Variants in KDM4C observed in about 807,000 individuals in gnomAD.
The protein encoded by KDM4C is lysine demethylase 4C.
In KDM4C, 81 loss-of-function variants were observed where a neutral mutation model predicts 129.3. That is an observed-to-expected ratio of 0.63 (90% CI 0.52 to 0.75). The LOEUF (loss-of-function observed/expected upper bound fraction) is 0.75. KDM4C is among the 30% of genes least tolerant of loss of function. The pLI, the probability that KDM4C is intolerant of heterozygous loss-of-function variation, is 0.00. For synonymous variants in KDM4C, 573 were observed against 456.1 expected (o/e 1.26, Z -3.26); for missense variants, 1,457 against 1,304.0 (o/e 1.12, Z -1.81).
At chr9:6,863,164 A>G (rs1841273358) in intron 5 of KDM4C, among the ~76,000 whole-genome samples, 1 of 152,224 alleles carries the variant, frequency 6.6e-6, no homozygotes, top group East Asian at 1.9e-4. Flanking sequence ...CCTGTGCTTT[A>G]ACTCCCCCCC....
intron 15 of KDM4C, among the ~76,000 whole-genome samples, chr9:7,018,873 A>T (rs555642143): frequency 6.6e-6 from 1 of 152,202 alleles, no homozygotes; most frequent in African/African-American, 2.4e-5. Context: ...AGAAAATACA[A>T]TCTTGCTATT....
intron 16 of KDM4C, among the ~76,000 whole-genome samples, chr9:7,047,906 T>C (rs1829636665): frequency 6.6e-6 from 1 of 152,054 alleles, no homozygotes; most frequent in South Asian, 2.1e-4. Flanking sequence ...GAGTTAGGAC[T>C]CCTGGTGTAA....
rs956870890 is a variant in KDM4C at position 7,174,467 on chromosome 9, C to A, written c.2995-86C>A. ...GGTGACCTGGGCATCTGCACCCTAA[C>A]CCCAGCTGACCGAGTCAGATCTTTG... On this transcript the variant is annotated intron_variant, in intron 21 of 21. Transcript: ENST00000381309. 4 of 1,349,990 alleles carry A rather than the reference C, an allele frequency of 3.0e-6. No individual in the cohort carries two copies. In the East Asian group the frequency reaches 9.2e-5, roughly 31 times the overall value. The allele number at this position is 1,349,990 out of a possible 1,614,324, so 83.6% of individuals were successfully genotyped here.
At chr9:6,752,794 C>G (rs1588068834), upstream of KDM4C, among the ~76,000 whole-genome samples, 1 of 152,268 alleles carries the variant, frequency 6.6e-6, no homozygotes, top group African/African-American at 2.4e-5. Flanking sequence ...ATGCCAAGTG[C>G]TCTATTTCCT....
chr9:6,899,933 G>T (rs1817107636), intron 8 of KDM4C, among the ~76,000 whole-genome samples: 1 of 152,164 alleles, frequency 6.6e-6, no homozygotes, highest in Admixed American at 6.5e-5. Flanking sequence ...TCTATAGTTT[G>T]TCAGTACCTT....
Position 7,103,755 on chromosome 9 carries a change from G to T in KDM4C, c.2495G>T (p.Cys832Phe). 1 of 1,614,014 alleles carries T rather than the reference G, an allele frequency of 6.2e-7. No homozygotes were observed. Among genetic ancestry groups the T allele is most frequent in the Non-Finnish European group, 8.5e-7 (1 of 1,179,938 alleles). The change falls in exon 18 of 22, where the codon TGC becomes TTC. Residue 832 changes from cysteine to phenylalanine, a missense_variant. Transcript: ENST00000381309. Reference protein sequence around the residue: ...GACIQCSYGRCPASFHVTCAH... With the variant: ...GACIQCSYGRFPASFHVTCAH... The stretch of plus-strand genomic sequence containing the variant: ...TGCATCCAGTGTTCCTACGGTCGCT[G>T]CCCGGCCTCCTTCCATGTCACTTGT...
chr9:7,109,534 A>G (rs1838081613), intron 18 of KDM4C, among the ~76,000 whole-genome samples: 1 of 152,180 alleles, frequency 6.6e-6, no homozygotes, highest in Admixed American at 6.5e-5. Context: ...TACGCATTTC[A>G]CTATATTGTT....
chr9:7,128,829 A>T (rs1840309602), intron 19 of KDM4C, among the ~76,000 whole-genome samples: 1 of 151,984 alleles, frequency 6.6e-6, no homozygotes, highest in South Asian at 2.1e-4. Context: ...GTCTGTCTCC[A>T]TCTCCTCCTT....
Position 6,893,245 on chromosome 9 carries a change from T to A in KDM4C, c.921+13T>A. ...AGTTGCCAAATTGGTAAGCTATGCCTCAAAAATAAAGCAAAAATTAAATGT... is the reference window on the plus strand; with the variant it reads ...AGTTGCCAAATTGGTAAGCTATGCCACAAAAATAAAGCAAAAATTAAATGT... On this transcript the variant is annotated intron_variant, in intron 8 of 21. Transcript: ENST00000381309. The A allele has an allele frequency of 6.3e-7, 1 of 1,597,314 alleles. No individual in the cohort carries two copies. Among genetic ancestry groups the A allele is most frequent in the Non-Finnish European group, 8.5e-7 (1 of 1,173,028 alleles).
intron 17 of KDM4C, among the ~76,000 whole-genome samples, chr9:7,088,049 A>G (rs1191418352): frequency 2.0e-5 from 3 of 152,226 alleles, no homozygotes; most frequent in Non-Finnish European, 4.4e-5. Context: ...TCTATGAATC[A>G]GAACTTCTGG....
At chr9:6,745,608 ATATT>A (rs1817848177) in intron 1 of KDM4C, among the ~76,000 whole-genome samples, 1 of 148,874 alleles carries the variant, frequency 6.7e-6, no homozygotes, top group Non-Finnish European at 1.5e-5. Flanking sequence ...ATGCCATACT[ATATT>A]TATTGTATTA....
intron 1 of KDM4C, among the ~76,000 whole-genome samples, chr9:6,736,858 C>A (rs548381019): frequency 2.6e-5 from 4 of 151,904 alleles, no homozygotes; most frequent in Non-Finnish European, 5.9e-5. Flanking sequence ...CAAGACCCGC[C>A]GGGCCACCAT....
At chr9:7,068,601 G>A (rs1275291518) in intron 17 of KDM4C, among the ~76,000 whole-genome samples, 1 of 145,918 alleles carries the variant, frequency 6.9e-6, no homozygotes, top group East Asian at 2.0e-4. Flanking sequence ...TCCATGTTGT[G>A]TTCTTTTTCT....
At chr9:6,894,105 C>G (rs914820411) in intron 8 of KDM4C, among the ~76,000 whole-genome samples, 4 of 152,246 alleles carry the variant, frequency 2.6e-5, no homozygotes, top group Non-Finnish European at 4.4e-5. Flanking sequence ...TCATTCTACA[C>G]TGATAAAACT....
intron 8 of KDM4C, among the ~76,000 whole-genome samples, chr9:6,908,545 T>A (rs1288583872): frequency 6.6e-6 from 1 of 151,948 alleles, no homozygotes; most frequent in Non-Finnish European, 1.5e-5. Context: ...CCCAACATGC[T>A]CCATTTAGCC....
At chr9:6,824,632 C>G (rs1588518632) in intron 4 of KDM4C, among the ~76,000 whole-genome samples, 1 of 124,060 alleles carries the variant, frequency 8.1e-6, no homozygotes, top group Non-Finnish European at 1.6e-5. Flanking sequence ...ACGCAAGACT[C>G]CGTCTCAAAA....
intron 15 of KDM4C, among the ~76,000 whole-genome samples, chr9:7,043,351 G>A (rs1165805631): frequency 6.6e-6 from 1 of 151,952 alleles, no homozygotes; most frequent in Admixed American, 6.6e-5. Flanking sequence ...TACAATTACT[G>A]TTTTGTGTAG....
intron 20 of KDM4C, among the ~76,000 whole-genome samples, chr9:7,166,085 A>T (rs1844353019): frequency 6.6e-6 from 1 of 152,208 alleles, no homozygotes; most frequent in African/African-American, 2.4e-5. Flanking sequence ...GGACATTTAG[A>T]GCCAATACAT....
rs1588598344 is a variant in KDM4C, at chr9:6,835,572, T to C, written c.436-13935T>C. 5 of 1,030,276 alleles carry C rather than the reference T, an allele frequency of 4.9e-6. No individual in the cohort carries two copies. The East Asian group carries it at 9.5e-5, about 20-fold the overall frequency. 63.8% of individuals were successfully genotyped at this position (1,030,276 alleles called of 1,614,324 possible). On this transcript the variant is annotated intron_variant, in intron 4 of 21. Transcript: ENST00000381309. ...GCTCCATCATCCATCCTTCAAATGC[T>C]TCTAGGCGGACTGTGACTTAGTTGT...
Sources: gnomAD v4.1 joint callset for allele counts (sites outside exome capture counted in the v4.1 genomes callset) on GRCh38, gnomAD v4.1.1 for gene constraint, MANE v1.5 for transcripts, NCBI Gene and HGNC (gene_info 2026-07-23, HGNC 2026-07-21) for gene names.